The following MGAT4C variants were observed in gnomAD, a reference collection of about 807,000 sequenced individuals.
The protein encoded by MGAT4C is alpha-1,3-mannosyl-glycoprotein 4-beta-N-acetylglucosaminyltransferase C.
Under a neutral mutation model 40.1 loss-of-function variants are expected in MGAT4C, and 19 were observed. That is an observed-to-expected ratio of 0.47 (90% confidence interval 0.33 to 0.70). The LOEUF (loss-of-function observed/expected upper bound fraction) is 0.70, where lower values mean the gene tolerates loss of function less well. MGAT4C is among the 30% of genes least tolerant of loss of function. The pLI, the probability that MGAT4C is intolerant of heterozygous loss-of-function variation, is 0.02. For missense variants in MGAT4C, 491 were observed against 563.2 expected (o/e 0.87, Z 1.30); for synonymous variants, 181 against 187.1 (o/e 0.97, Z 0.27).
At chr12:86,240,493 C>T (rs1951739227) in intron 1 of MGAT4C, among the ~76,000 whole-genome samples, 1 of 151,878 alleles carries the variant, frequency 6.6e-6, no homozygotes, top group Non-Finnish European at 1.5e-5. Context: ...ATAAACTCTT[C>T]ATTTGGAAAT....
At chr12:86,676,425 T>C (rs1052214558) in intron 2 of MGAT4C, among the ~76,000 whole-genome samples, 1 of 152,136 alleles carries the variant, frequency 6.6e-6, no homozygotes, top group Non-Finnish European at 1.5e-5. Context: ...TAGGTAGGAA[T>C]TAAATAATCT....
intron 2 of MGAT4C, among the ~76,000 whole-genome samples, chr12:86,457,843 A>C (rs1004316149): frequency 1.3e-5 from 2 of 152,128 alleles, no homozygotes; most frequent in East Asian, 1.9e-4. Flanking sequence ...AATAAATAAA[A>C]TCACAAGTTT....
intron 2 of MGAT4C, among the ~76,000 whole-genome samples, chr12:86,725,565 A>G (rs1950808577): frequency 6.6e-6 from 1 of 152,028 alleles, no homozygotes; most frequent in Admixed American, 6.5e-5. Flanking sequence ...AGTTCAAGCA[A>G]TTCTCCTGCC....
At chr12:86,808,980 C>A (rs959645609) in intron 1 of MGAT4C, among the ~76,000 whole-genome samples, 1 of 152,026 alleles carries the variant, frequency 6.6e-6, no homozygotes, top group African/African-American at 2.4e-5. Flanking sequence ...CATTCCAATA[C>A]ACCAACAACC....
In MGAT4C at chr12:86,078,533, G is replaced by A. The variant is rs186026263; in HGVS notation, c.-56-28810C>T. Among the ~76,000 whole-genome samples, 947 of 152,318 alleles carry A rather than the reference G, an allele frequency of 6.2e-3. 2 individuals carry two copies. The highest frequency in any genetic ancestry group is 0.01 in the Non-Finnish European group (703 of 68,028). On this transcript the variant is annotated intron_variant, in intron 1 of 4. Transcript: ENST00000611864. The stretch of plus-strand genomic sequence containing the variant: ...GAGGACACACTGCTGCCCTTTCCAT[G>A]ATGGAAGAGGTCCAATATAATTAAC...
chr12:86,517,604 A>G (rs185628221), intron 2 of MGAT4C, among the ~76,000 whole-genome samples: 6 of 152,152 alleles, frequency 3.9e-5, no homozygotes, highest in South Asian at 2.1e-4. Flanking sequence ...TTGAGAGCAG[A>G]GCAAAGTGAC....
intron 3 of MGAT4C, among the ~76,000 whole-genome samples, chr12:86,414,865 A>T (rs910896349): frequency 6.6e-6 from 1 of 152,096 alleles, no homozygotes; most frequent in Non-Finnish European, 1.5e-5. Flanking sequence ...GCTGCATTCC[A>T]TGTTATTAAT....
In MGAT4C at chr12:86,217,973, A is replaced by T. The variant is rs58654411; in HGVS notation, c.-57+38266T>A. Among the ~76,000 whole-genome samples, 501 of 152,190 alleles carry T rather than the reference A, an allele frequency of 3.3e-3. 2 individuals carry two copies. The highest frequency in any genetic ancestry group is 0.012 in the African/African-American group (486 of 41,540). On this transcript the variant is annotated intron_variant, in intron 1 of 4. Coordinates refer to ENST00000611864, the MANE Select transcript of MGAT4C (RefSeq NM_001351288.2). ...AAGATTATAAGCAGATTATCTATAAATTTTTTCTAAAATTTAGTATTAATA... is the reference window on the plus strand; with the variant it reads ...AAGATTATAAGCAGATTATCTATAATTTTTTTCTAAAATTTAGTATTAATA...
At chr12:86,181,462 G>T (rs566404982) in intron 1 of MGAT4C, among the ~76,000 whole-genome samples, 1 of 152,188 alleles carries the variant, frequency 6.6e-6, no homozygotes, top group Non-Finnish European at 1.5e-5. Context: ...CAGTCAATTA[G>T]CATATTAAAC....
intron 1 of MGAT4C, among the ~76,000 whole-genome samples, chr12:86,769,032 C>T (rs930206619): frequency 2.2e-4 from 33 of 151,490 alleles, no homozygotes; most frequent in Admixed American, 2.0e-3. Flanking sequence ...TCTAATTAAA[C>T]GAAAGAGCTT....
intron 4 of MGAT4C, among the ~76,000 whole-genome samples, chr12:86,295,284 T>C (rs61950692): frequency 0.11 from 16,438 of 152,226 alleles, 1,069 homozygotes; most frequent in Non-Finnish European, 0.14. Flanking sequence ...TGTGATAACT[T>C]TTATTTTGCA....
intron 2 of MGAT4C, among the ~76,000 whole-genome samples, chr12:86,617,669 CA>C (rs1158206842): frequency 2.0e-5 from 3 of 147,024 alleles, no homozygotes; most frequent in African/African-American, 7.6e-5. Context: ...GCCTGGAAGA[CA>C]GAGCTAGACT....
At chr12:86,558,553 G>A (rs942359848) in intron 2 of MGAT4C, among the ~76,000 whole-genome samples, 5 of 151,948 alleles carry the variant, frequency 3.3e-5, no homozygotes, top group South Asian at 2.1e-4. Flanking sequence ...AAGAAAAGCC[G>A]TCCTTCAAAA....
chr12:86,244,316 T>C (rs1205015390), intron 1 of MGAT4C, among the ~76,000 whole-genome samples: 1 of 152,176 alleles, frequency 6.6e-6, no homozygotes, highest in East Asian at 1.9e-4. Context: ...TAAGTTGTTT[T>C]ACCAACACCA....
At chr12:86,796,478 C>A (rs897474619) in intron 1 of MGAT4C, among the ~76,000 whole-genome samples, 3 of 151,960 alleles carry the variant, frequency 2.0e-5, no homozygotes, top group African/African-American at 7.2e-5. Context: ...AAGACATATA[C>A]AGCATAACCT....
intron 1 of MGAT4C, among the ~76,000 whole-genome samples, chr12:86,181,155 C>T (rs1023297914): frequency 3.5e-4 from 53 of 152,226 alleles, no homozygotes; most frequent in African/African-American, 1.0e-3. Flanking sequence ...TTTTCTCTTG[C>T]CGCGGCCATG....
intron 2 of MGAT4C, among the ~76,000 whole-genome samples, chr12:86,590,672 C>G (rs1280228877): frequency 3.3e-5 from 5 of 151,844 alleles, no homozygotes; most frequent in Admixed American, 1.3e-4. Flanking sequence ...AGGCATACAA[C>G]AAAATGACAT....
chr12:86,244,216 C>A (rs1023178572), intron 1 of MGAT4C, among the ~76,000 whole-genome samples: 1 of 152,178 alleles, frequency 6.6e-6, no homozygotes, highest in East Asian at 1.9e-4. Context: ...CATTTGCTGA[C>A]TACCCTCCAG....
intron 2 of MGAT4C, among the ~76,000 whole-genome samples, chr12:86,696,934 C>T (rs994339894): frequency 3.3e-5 from 5 of 152,032 alleles, no homozygotes; most frequent in Admixed American, 1.3e-4. Flanking sequence ...GAAGACAACC[C>T]GTTCCTAACA....
Sources: allele counts gnomAD v4.1 joint callset (sites outside exome capture counted in the v4.1 genomes callset), GRCh38; gene constraint gnomAD v4.1.1; transcripts MANE v1.5; gene names NCBI Gene and HGNC (gene_info 2026-07-23, HGNC 2026-07-21).